GPR137C: variants seen among roughly 807,000 people sequenced by gnomAD.
GPR137C encodes the protein integral membrane protein GPR137C.
A neutral mutation model predicts 43.4 loss-of-function variants in GPR137C; 27 were observed. The ratio of observed to expected loss-of-function variants is 0.62; its 90% CI spans 0.46 to 0.86. The LOEUF (loss-of-function observed/expected upper bound fraction) is 0.86, where lower values mean the gene tolerates loss of function less well. GPR137C is among the 40% of genes least tolerant of loss of function. GPR137C has a pLI of 0.00. For synonymous variants in GPR137C, 285 were observed against 226.9 expected (o/e 1.26, Z -2.30); for missense variants, 522 against 534.6 (o/e 0.98, Z 0.23).
chr14:52,597,478 ACT>A (rs2038870478), intron 1 of GPR137C, among the ~76,000 whole-genome samples: 1 of 151,990 alleles, frequency 6.6e-6, no homozygotes, highest in African/African-American at 2.4e-5. Flanking sequence ...CAAACTTCAT[ACT>A]CTACTTCAAT....
chr14:52,553,090 C>A lies in GPR137C; in HGVS notation c.-58C>A. The A allele has an allele frequency of 1.0e-6, 1 of 962,840 alleles. No homozygotes were observed. The highest frequency in any genetic ancestry group is 1.3e-6 in the Non-Finnish European group (1 of 771,884). The allele number at this position is 962,840 out of a possible 1,614,324, so 59.6% of individuals were successfully genotyped here. A position where few individuals can be genotyped will look rare whatever the true frequency, so the allele number is the denominator to read the frequency against. On this transcript the variant is annotated 5_prime_UTR_variant, in exon 1 of 7. Transcript: ENST00000321662. ...GGGCAGTCCTTCTCCCCTTCGACGG[C>A]GGCTCCGAGTCCAGCCCCTTCCTTC...
chr14:52,571,684 A>G (rs540888678), intron 1 of GPR137C, among the ~76,000 whole-genome samples: 10 of 152,250 alleles, frequency 6.6e-5, no homozygotes, highest in East Asian at 3.9e-4. Flanking sequence ...TATTAATAAC[A>G]AAAGATCCAG....
chr14:52,567,948 G>A (rs761788438), intron 1 of GPR137C, among the ~76,000 whole-genome samples: 15 of 152,104 alleles, frequency 9.9e-5, no homozygotes, highest in Middle Eastern at 3.2e-3. Context: ...GTGAGCCACC[G>A]CGCCTGGCTG....
chr14:52,565,139 A>G (rs1158835360), intron 1 of GPR137C, among the ~76,000 whole-genome samples: 1 of 152,198 alleles, frequency 6.6e-6, no homozygotes, highest in Non-Finnish European at 1.5e-5. Flanking sequence ...GAGAAATCAC[A>G]AATTTGAATT....
intron 3 of GPR137C, chr14:52,613,545 T>C (rs1392322907): frequency 1.2e-5 from 2 of 160,306 alleles, no homozygotes; most frequent in Non-Finnish European, 2.8e-5. Flanking sequence ...TTCTACTCTC[T>C]ATCTCCATGA....
intron 3 of GPR137C, among the ~76,000 whole-genome samples, chr14:52,624,307 G>A (rs554169883): frequency 6.6e-6 from 1 of 151,538 alleles, no homozygotes; most frequent in African/African-American, 2.4e-5. Context: ...GTGGAATGCA[G>A]TAAAAATTGT....
chr14:52,558,135 A>G (rs140298209), intron 1 of GPR137C, among the ~76,000 whole-genome samples: 268 of 150,756 alleles, frequency 1.8e-3, no homozygotes, highest in African/African-American at 6.4e-3. Flanking sequence ...ATGATAAAAT[A>G]TCACACAAAT....
intron 1 of GPR137C, among the ~76,000 whole-genome samples, chr14:52,565,009 A>G (rs956436182): frequency 5.3e-5 from 8 of 152,188 alleles, no homozygotes; most frequent in African/African-American, 1.9e-4. Context: ...ACAACCTCGG[A>G]GAGAGAATAG....
intron 3 of GPR137C, among the ~76,000 whole-genome samples, chr14:52,610,675 G>T (rs1410166040): frequency 6.6e-6 from 1 of 152,338 alleles, no homozygotes. Flanking sequence ...GTAAGGAGGG[G>T]ACGACTGTAG....
At chr14:52,571,054 T>TCACGA (rs1186929159) in intron 1 of GPR137C, among the ~76,000 whole-genome samples, 1 of 152,194 alleles carries the variant, frequency 6.6e-6, no homozygotes, top group East Asian at 1.9e-4. Context: ...CAGCACCGCA[T>TCACGA]CACACTTATT....
chr14:52,628,503 A>G (rs2039256273), intron 3 of GPR137C, among the ~76,000 whole-genome samples: 1 of 152,218 alleles, frequency 6.6e-6, no homozygotes, highest in African/African-American at 2.4e-5. Flanking sequence ...AAAATTTAAA[A>G]TTTCTCATCA....
Position 52,600,185 on chromosome 14 carries a change from A to G in GPR137C, c.561A>G (p.Leu187=), listed in dbSNP as rs1453935393. Residue 187 remains leucine, a synonymous_variant, in exon 3 of 7, where the codon CTA becomes CTG. Transcript: ENST00000321662. ...FLVVNLTCAM[L]VHGDVPENQL... ...TGGTGAACTTGACTTGCGCAATGCTAGTTCATGGAGATGTCCCAGAAAATC... is the reference window on the plus strand; with the variant it reads ...TGGTGAACTTGACTTGCGCAATGCTGGTTCATGGAGATGTCCCAGAAAATC... 2.5e-6 allele frequency: 4 copies of G among 1,613,768 alleles called. No homozygotes were observed. In the Admixed American group the frequency reaches 5.0e-5, roughly 20 times the overall value.
chr14:52,565,237 C>A (rs950848911), intron 1 of GPR137C, among the ~76,000 whole-genome samples: 3 of 152,128 alleles, frequency 2.0e-5, no homozygotes, highest in Non-Finnish European at 4.4e-5. Flanking sequence ...ATAAGCTAAG[C>A]AAAACTTTTG....
At chr14:52,560,735 C>T (rs1303563268) in intron 1 of GPR137C, among the ~76,000 whole-genome samples, 1 of 152,114 alleles carries the variant, frequency 6.6e-6, no homozygotes, top group African/African-American at 2.4e-5. Context: ...TGTTACCTCA[C>T]ACCATAGAAT....
chr14:52,569,053 G>C (rs752048964), intron 1 of GPR137C, among the ~76,000 whole-genome samples: 3 of 152,184 alleles, frequency 2.0e-5, no homozygotes, highest in Non-Finnish European at 2.9e-5. Flanking sequence ...GAGAGCTCCG[G>C]CTGGCATCTG....
chr14:52,568,818 C>T (rs2038415793), intron 1 of GPR137C, among the ~76,000 whole-genome samples: 1 of 152,226 alleles, frequency 6.6e-6, no homozygotes, highest in African/African-American at 2.4e-5. Flanking sequence ...AGAAAACTCC[C>T]ATATCCCTGG....
At chr14:52,591,762 C>A (rs2038787581) in intron 1 of GPR137C, among the ~76,000 whole-genome samples, 1 of 152,020 alleles carries the variant, frequency 6.6e-6, no homozygotes, top group African/African-American at 2.4e-5. Flanking sequence ...AAATGTTCTC[C>A]CATTATGTAG....
chr14:52,554,795 T>C (rs912345173), intron 1 of GPR137C, among the ~76,000 whole-genome samples: 1 of 152,072 alleles, frequency 6.6e-6, no homozygotes, highest in African/African-American at 2.4e-5. Context: ...GGAAGTAGAA[T>C]GCATAATTTT....
At chr14:52,588,075 A>G (rs1378736771) in intron 1 of GPR137C, among the ~76,000 whole-genome samples, 2 of 152,246 alleles carry the variant, frequency 1.3e-5, no homozygotes, top group Non-Finnish European at 2.9e-5. Flanking sequence ...TTTAAATACA[A>G]TGGGAAAACA....
Sources: gnomAD v4.1 joint callset for allele counts (sites outside exome capture counted in the v4.1 genomes callset) on GRCh38, gnomAD v4.1.1 for gene constraint, MANE v1.5 for transcripts, NCBI Gene and HGNC (gene_info 2026-07-23, HGNC 2026-07-21) for gene names.